Variants in STK4 observed in about 807,000 individuals in gnomAD.
STK4 encodes the protein serine/threonine-protein kinase 4.
In STK4, 30 loss-of-function variants were observed where a neutral mutation model predicts 64.9. The observed-to-expected ratio is 0.46, with a 90% confidence interval of 0.35 to 0.63. The LOEUF (loss-of-function observed/expected upper bound fraction) is 0.63, where lower values mean the gene tolerates loss of function less well. Ranked by LOEUF, STK4 falls within the 20% of genes least tolerant of loss-of-function variation. The pLI is 0.01. For missense variants in STK4, 466 were observed against 598.5 expected (o/e 0.78, Z 2.31); for synonymous variants, 177 against 199.0 (o/e 0.89, Z 0.93).
intron 10 of STK4, among the ~76,000 whole-genome samples, chr20:45,028,591 T>C (rs2068393505): frequency 6.6e-6 from 1 of 152,170 alleles, no homozygotes; most frequent in African/African-American, 2.4e-5. Context: ...CCTCCCAGAA[T>C]GCTAGGATTA....
In STK4 at chr20:45,075,417, A is replaced by T. The variant is rs1041632069; in HGVS notation, c.*241A>T. 2.4e-6 allele frequency: 1 copy of T among 408,274 alleles called. No homozygotes were observed. Among genetic ancestry groups the T allele is most frequent in the Admixed American group, 3.7e-5 (1 of 26,912 alleles). 25.3% of individuals were successfully genotyped at this position (408,274 alleles called of 1,614,324 possible). A position where few individuals can be genotyped will look rare whatever the true frequency, so the allele number is the denominator to read the frequency against. On this transcript the variant is annotated 3_prime_UTR_variant, in exon 11 of 11. Coordinates refer to ENST00000372806, the MANE Select transcript of STK4 (RefSeq NM_006282.5). The stretch of plus-strand genomic sequence containing the variant: ...ATTTATATTGGCGCTTTTAACTCAG[A>T]GTTTTAAACCCCAGGAACAGAGACT...
rs902905845 is a variant in STK4, at chr20:45,002,656, C to T, written c.1147+1303C>T. On this transcript the variant is annotated intron_variant, in intron 9 of 10. Transcript: ENST00000372806. ...AAATTAAAACATACATACAATTACACAGAATAATATAATGACCCCTATAGA... is the reference window on the plus strand; with the variant it reads ...AAATTAAAACATACATACAATTACATAGAATAATATAATGACCCCTATAGA... Among the ~76,000 whole-genome samples, 6 of 152,254 alleles carry T rather than the reference C, an allele frequency of 3.9e-5. No individual in the cohort carries two copies. In the Middle Eastern group the frequency reaches 0.01, roughly 259 times the overall value.
At chr20:45,046,972 G>A (rs191509725) in intron 10 of STK4, among the ~76,000 whole-genome samples, 5 of 151,812 alleles carry the variant, frequency 3.3e-5, no homozygotes, top group East Asian at 1.9e-4. Context: ...GAGCTACCAC[G>A]CCCAGCCTAA....
In STK4 at chr20:44,971,630, C is replaced by G. The variant is rs538128923; in HGVS notation, c.36-448C>G. Among the ~76,000 whole-genome samples the G allele has an allele frequency of 4.4e-4, 66 of 148,594 alleles. 3 individuals carry two copies. The South Asian group carries it at 0.014, about 32-fold the overall frequency. ...TTTAAATAGATTTTGAAGGATACAT[C>G]GAATGCTTGAATCTACAGCATTTCA... is the stretch of plus-strand genomic sequence containing the variant. On this transcript the variant is annotated intron_variant, in intron 1 of 10. Transcript: ENST00000372806.
At chr20:44,992,271 T>TATTTTA (rs1489997980) in intron 5 of STK4, among the ~76,000 whole-genome samples, 1 of 151,770 alleles carries the variant, frequency 6.6e-6, no homozygotes, top group Non-Finnish European at 1.5e-5. Context: ...TATTTTATTT[T>TATTTTA]TTTTTGAGAC....
At chr20:44,993,623 A>G (rs1204358523) in intron 5 of STK4, among the ~76,000 whole-genome samples, 1 of 152,254 alleles carries the variant, frequency 6.6e-6, no homozygotes, top group Admixed American at 6.5e-5. Flanking sequence ...AATCACAGGC[A>G]TTTCAGAAGG....
In STK4 at chr20:44,978,350, T is replaced by C. The variant is rs2067375269; in HGVS notation, c.117-93T>C. 4.9e-6 allele frequency: 7 copies of C among 1,440,870 alleles called. No homozygotes were observed. The South Asian group carries it at 5.8e-5, about 12-fold the overall frequency. The allele number at this position is 1,440,870 out of a possible 1,614,324, so 89.3% of individuals were successfully genotyped here. On this transcript the variant is annotated intron_variant, in intron 2 of 10. Transcript: ENST00000372806. ...TATATGTATTAGGCACTTAGGGATA[T>C]ATGTTAGAACTATCAGTTGCTTGTG...
intron 10 of STK4, among the ~76,000 whole-genome samples, chr20:45,073,080 G>C (rs1001693486): frequency 6.6e-6 from 1 of 152,176 alleles, no homozygotes; most frequent in South Asian, 2.1e-4. Context: ...TTTAGGACCT[G>C]TGATCCCAAA....
intron 10 of STK4, among the ~76,000 whole-genome samples, chr20:45,054,685 A>T (rs913670209): frequency 6.6e-6 from 1 of 151,672 alleles, no homozygotes; most frequent in Non-Finnish European, 1.5e-5. Context: ...GGATTATATA[A>T]TTCTTCAAAC....
chr20:45,023,348 G>C (rs765203818), intron 9 of STK4, among the ~76,000 whole-genome samples: 2 of 152,178 alleles, frequency 1.3e-5, no homozygotes, highest in Non-Finnish European at 2.9e-5. Flanking sequence ...TGTTCTGAGA[G>C]GTAGGGTGGC....
At chr20:44,975,971 A>T (rs1394379848) in intron 2 of STK4, among the ~76,000 whole-genome samples, 2 of 152,234 alleles carry the variant, frequency 1.3e-5, no homozygotes, top group Non-Finnish European at 2.9e-5. Flanking sequence ...TTCACACTGA[A>T]GGAAAAAGAA....
intron 10 of STK4, among the ~76,000 whole-genome samples, chr20:45,055,535 T>C: frequency 6.6e-6 from 1 of 152,118 alleles, no homozygotes; most frequent in East Asian, 1.9e-4. Flanking sequence ...GTAATTTTTT[T>C]TTTAAGCCCA....
intron 10 of STK4, among the ~76,000 whole-genome samples, chr20:45,030,933 A>T (rs1376249443): frequency 1.3e-5 from 2 of 152,194 alleles, no homozygotes; most frequent in African/African-American, 4.8e-5. Flanking sequence ...GCAGTGGCTC[A>T]TACCTGTAAT....
At chr20:44,996,576 A>G (rs1388010147) in intron 6 of STK4, among the ~76,000 whole-genome samples, 1 of 152,238 alleles carries the variant, frequency 6.6e-6, no homozygotes, top group African/African-American at 2.4e-5. Flanking sequence ...TTCAAAAAAC[A>G]TGGCTTTTTT....
At chr20:45,023,175 C>T (rs1307509605) in intron 9 of STK4, among the ~76,000 whole-genome samples, 1 of 152,140 alleles carries the variant, frequency 6.6e-6, no homozygotes, top group Admixed American at 6.5e-5. Flanking sequence ...CAAAACAAAA[C>T]ACCATATACT....
intron 10 of STK4, among the ~76,000 whole-genome samples, chr20:45,027,743 C>T (rs2068377629): frequency 6.6e-6 from 1 of 152,120 alleles, no homozygotes; most frequent in Non-Finnish European, 1.5e-5. Context: ...TACCCCTTAA[C>T]CAACTTCTCT....
intron 9 of STK4, among the ~76,000 whole-genome samples, chr20:45,010,542 T>C (rs2068026759): frequency 6.6e-6 from 1 of 152,210 alleles, no homozygotes. Context: ...ATTGAACCAT[T>C]CCCTGTTTAA....
intron 6 of STK4, among the ~76,000 whole-genome samples, 198 bp from the exon 7 acceptor site, chr20:44,996,971 A>G (rs568745876): frequency 6.6e-6 from 1 of 152,268 alleles, no homozygotes; most frequent in Non-Finnish European, 1.5e-5. Context: ...TATATGAGAG[A>G]GGGAAAAGGA....
intron 10 of STK4, among the ~76,000 whole-genome samples, chr20:45,071,369 G>A (rs1980051660): frequency 6.6e-6 from 1 of 152,216 alleles, no homozygotes; most frequent in Non-Finnish European, 1.5e-5. Context: ...GGACCAGGAA[G>A]GTGAAATGCT....
Sources: gnomAD v4.1 joint callset for allele counts (sites outside exome capture counted in the v4.1 genomes callset) on GRCh38, gnomAD v4.1.1 for gene constraint, MANE v1.5 for transcripts, NCBI Gene and HGNC (gene_info 2026-07-23, HGNC 2026-07-21) for gene names.